The following GALNT13 variants were observed in gnomAD, a reference collection of about 807,000 sequenced individuals.
GALNT13 encodes polypeptide N-acetylgalactosaminyltransferase 13, also known as UDP-GalNAc:polypeptide N-acetylgalactosaminyltransferase 13.
GALNT13 carries 28 observed loss-of-function variants against 64.2 expected under a neutral mutation model. That is an observed-to-expected ratio of 0.44 (90% CI 0.32 to 0.60). The LOEUF is 0.60. Ranked by LOEUF, GALNT13 falls within the 20% of genes least tolerant of loss-of-function variation. The pLI is 0.05. For missense variants in GALNT13, 577 were observed against 669.8 expected (o/e 0.86, Z 1.53); for synonymous variants, 214 against 224.6 (o/e 0.95, Z 0.42).
chr2:153,478,040 C>G, the GALNT13 span: 2 of 592,864 alleles, frequency 3.4e-6, no homozygotes, highest in Non-Finnish European at 6.0e-6. Flanking sequence ...AGTCTGGGCG[C>G]TCTCCTCCGA....
At chr2:154,354,293 A>G (rs769740187) in intron 9 of GALNT13, among the ~76,000 whole-genome samples, 1 of 152,010 alleles carries the variant, frequency 6.6e-6, no homozygotes, top group African/African-American at 2.4e-5. Flanking sequence ...TTTGAATATC[A>G]ATCCCTTATC....
At chr2:153,227,584 G>A in the GALNT13 span, among the ~76,000 whole-genome samples, 13 of 152,194 alleles carry the variant, frequency 8.5e-5, 2 homozygotes, top group Middle Eastern at 0.01. Flanking sequence ...AAATTTTCTC[G>A]AATTTCTTCA....
At chr2:154,308,758 A>T (rs1168947067) in intron 9 of GALNT13, among the ~76,000 whole-genome samples, 1 of 152,214 alleles carries the variant, frequency 6.6e-6, no homozygotes, top group South Asian at 2.1e-4. Context: ...GAAAATTCTA[A>T]ATTATTTTAA....
At chr2:153,754,315 T>A in the GALNT13 span, among the ~76,000 whole-genome samples, 3 of 151,872 alleles carry the variant, frequency 2.0e-5, no homozygotes, top group Admixed American at 2.0e-4. Context: ...CAGTCTCACC[T>A]GAAACCAGCA....
intron 4 of GALNT13, among the ~76,000 whole-genome samples, chr2:154,145,229 A>G (rs939857484): frequency 1.1e-4 from 17 of 150,966 alleles, no homozygotes; most frequent in Admixed American, 7.3e-4. Flanking sequence ...CCATTCCCCC[A>G]CAAATAAAAT....
At chr2:153,467,336 A>C in the GALNT13 span, among the ~76,000 whole-genome samples, 12 of 151,996 alleles carry the variant, frequency 7.9e-5, no homozygotes, top group Non-Finnish European at 1.3e-4. Context: ...AAAATGATCA[A>C]TTTTTCTGCG....
chr2:153,483,695 T>G, the GALNT13 span, among the ~76,000 whole-genome samples: 26 of 152,150 alleles, frequency 1.7e-4, no homozygotes, highest in African/African-American at 5.6e-4. Flanking sequence ...GGATTATAGG[T>G]GTGAGCCACC....
At chr2:153,538,252 G>A in the GALNT13 span, among the ~76,000 whole-genome samples, 2 of 149,920 alleles carry the variant, frequency 1.3e-5, no homozygotes, top group African/African-American at 4.9e-5. Context: ...CTAGAGATCT[G>A]TGGAACTTTG....
chr2:153,532,170 G>A, the GALNT13 span, among the ~76,000 whole-genome samples: 1 of 152,120 alleles, frequency 6.6e-6, no homozygotes, highest in African/African-American at 2.4e-5. Flanking sequence ...CACTCCTGCA[G>A]CAGGCTTCTG....
At chr2:153,583,775 G>A in the GALNT13 span, among the ~76,000 whole-genome samples, 1 of 152,248 alleles carries the variant, frequency 6.6e-6, no homozygotes. Flanking sequence ...ACGGTCCTGG[G>A]AACCAGCAGT....
the GALNT13 span, among the ~76,000 whole-genome samples, chr2:153,755,620 G>C: frequency 6.6e-6 from 1 of 151,966 alleles, no homozygotes; most frequent in Non-Finnish European, 1.5e-5. Context: ...AGAGTGTTTT[G>C]AGTTACTTAT....
intron 1 of GALNT13, among the ~76,000 whole-genome samples, chr2:153,890,500 T>C (rs570433923): frequency 6.6e-6 from 1 of 152,152 alleles, no homozygotes; most frequent in South Asian, 2.1e-4. Flanking sequence ...AAATTCACAC[T>C]GCACCCCAAC....
At chr2:153,679,849 G>C in the GALNT13 span, among the ~76,000 whole-genome samples, 5 of 151,876 alleles carry the variant, frequency 3.3e-5, no homozygotes, top group African/African-American at 1.2e-4. Context: ...TCTCTCCAGA[G>C]GCCATCCTTT....
the GALNT13 span, among the ~76,000 whole-genome samples, chr2:153,622,231 T>C: frequency 1.3e-5 from 2 of 152,104 alleles, no homozygotes; most frequent in Non-Finnish European, 2.9e-5. Flanking sequence ...CACACATACA[T>C]ACGCAGTGAA....
chr2:153,094,967 C>T, the GALNT13 span, among the ~76,000 whole-genome samples: 1 of 152,192 alleles, frequency 6.6e-6, no homozygotes, highest in East Asian at 1.9e-4. Context: ...CCATTCAGGA[C>T]ATAGGCATGG....
chr2:154,257,504 G>A (rs1690445934), intron 7 of GALNT13: 1 of 152,108 alleles, frequency 6.6e-6, no homozygotes, highest in Non-Finnish European at 1.5e-5. Flanking sequence ...TCAGGTGAGG[G>A]TCATGGCTAC....
the GALNT13 span, among the ~76,000 whole-genome samples, chr2:153,190,569 T>G: frequency 2.0e-5 from 3 of 152,122 alleles, no homozygotes; most frequent in Non-Finnish European, 4.4e-5. Context: ...ATTCAGGTTC[T>G]TTTTTGGTTT....
In GALNT13 at chr2:154,240,731, C is replaced by T. The variant is rs73965412; in HGVS notation, c.312-1299C>T. ...TTGTGTTAACCAGCTCAATTAGACC[C>T]TCTACCTTGTCACTACCTTGTCACA... On this transcript the variant is annotated intron_variant, in intron 4 of 12. Coordinates refer to ENST00000392825, the MANE Select transcript of GALNT13 (RefSeq NM_052917.4). 1.4e-3 allele frequency among the ~76,000 whole-genome samples: 213 copies of T among 152,308 alleles called. 1 individual carries two copies. The highest frequency in any genetic ancestry group is 4.9e-3 in the African/African-American group (202 of 41,572).
chr2:154,403,089 C>CTTCT, intron 10 of GALNT13, among the ~76,000 whole-genome samples: 1 of 152,194 alleles, frequency 6.6e-6, no homozygotes, highest in East Asian at 1.9e-4. Flanking sequence ...AATTTATGTG[C>CTTCT]TTCTATCTGC....
Sources: allele counts gnomAD v4.1 joint callset (sites outside exome capture counted in the v4.1 genomes callset), GRCh38; gene constraint gnomAD v4.1.1; transcripts MANE v1.5; gene names NCBI Gene and HGNC (gene_info 2026-07-23, HGNC 2026-07-21).